ERBB4: variants seen among roughly 807,000 people sequenced by gnomAD.
ERBB4 encodes the protein receptor tyrosine-protein kinase erbB-4.
A neutral mutation model predicts 158.0 loss-of-function variants in ERBB4; 42 were observed. The observed-to-expected ratio is 0.27, with a 90% confidence interval of 0.21 to 0.34. The LOEUF (loss-of-function observed/expected upper bound fraction) is 0.34, where lower values mean the gene tolerates loss of function less well. Among genes scored for constraint, ERBB4 ranks in the 10% least tolerant of loss-of-function variants. The probability of loss-of-function intolerance (pLI) is 1.00; values close to 1 mark genes in which losing one functional copy is unlikely to be tolerated. For missense variants in ERBB4, 1,333 were observed against 1,624.1 expected (o/e 0.82, Z 3.08); for synonymous variants, 583 against 558.7 (o/e 1.04, Z -0.61).
chr2:212,081,306 C>T (rs1431146367), intron 2 of ERBB4, among the ~76,000 whole-genome samples: 3 of 152,058 alleles, frequency 2.0e-5, no homozygotes, highest in African/African-American at 7.2e-5. Flanking sequence ...CTTTGTAATC[C>T]TCTTCTAGAA....
intron 1 of ERBB4, among the ~76,000 whole-genome samples, chr2:212,354,032 G>T (rs1295375207): frequency 6.6e-6 from 1 of 152,120 alleles, no homozygotes; most frequent in African/African-American, 2.4e-5. Context: ...CCTGTGCTGT[G>T]TTAAGCTTCT....
At chr2:211,711,027 T>C (rs1175295149) in intron 9 of ERBB4, among the ~76,000 whole-genome samples, 4 of 139,932 alleles carry the variant, frequency 2.9e-5, no homozygotes, top group Non-Finnish European at 6.3e-5. Flanking sequence ...AAAAGGCAAG[T>C]AAAAAAAAAA....
chr2:211,843,455 T>G (rs1331033954), intron 3 of ERBB4, among the ~76,000 whole-genome samples: 1 of 151,868 alleles, frequency 6.6e-6, no homozygotes, highest in Non-Finnish European at 1.5e-5. Flanking sequence ...ACCAGGATAG[T>G]TTTGCATAAT....
intron 3 of ERBB4, among the ~76,000 whole-genome samples, chr2:211,903,751 C>T (rs990431629): frequency 6.6e-6 from 1 of 151,040 alleles, no homozygotes. Context: ...TATTAAATGC[C>T]GATTTCACTC....
chr2:211,547,344 A>T (rs2066970029), intron 20 of ERBB4, among the ~76,000 whole-genome samples: 1 of 152,052 alleles, frequency 6.6e-6, no homozygotes, highest in South Asian at 2.1e-4. Flanking sequence ...GTCCCACTGT[A>T]GTTTTTCTGT....
intron 1 of ERBB4, among the ~76,000 whole-genome samples, chr2:212,191,929 T>C (rs982812630): frequency 8.4e-6 from 1 of 119,142 alleles, no homozygotes; most frequent in South Asian, 2.7e-4. Context: ...ATATGTTATA[T>C]ATTATATATG....
intron 1 of ERBB4, among the ~76,000 whole-genome samples, chr2:212,329,381 T>G (rs1026609971): frequency 6.6e-6 from 1 of 152,106 alleles, no homozygotes; most frequent in Non-Finnish European, 1.5e-5. Flanking sequence ...TAGCAATTTA[T>G]AGTGCCAGAG....
intron 1 of ERBB4, among the ~76,000 whole-genome samples, chr2:212,320,329 ACTT>A (rs1449540195): frequency 2.1e-5 from 3 of 144,884 alleles, no homozygotes; most frequent in Admixed American, 6.8e-5. Context: ...TTTTTTTTTT[ACTT>A]CTTCTTCTTC....
chr2:211,793,441 G>A (rs916764920), intron 3 of ERBB4, among the ~76,000 whole-genome samples: 11 of 151,806 alleles, frequency 7.2e-5, no homozygotes, highest in Middle Eastern at 3.4e-3. Context: ...CACAATAGGC[G>A]CATTTAAATA....
At chr2:211,736,540 C>T (rs1422050979) in intron 5 of ERBB4, among the ~76,000 whole-genome samples, 4 of 152,190 alleles carry the variant, frequency 2.6e-5, no homozygotes, top group Admixed American at 1.3e-4. Flanking sequence ...AAACCGATCT[C>T]TGTGCTCTTC....
intron 1 of ERBB4, among the ~76,000 whole-genome samples, chr2:212,331,058 G>GTATATATATATATATATATATATACACA: frequency 1.1e-4 from 6 of 56,266 alleles, no homozygotes; most frequent in Non-Finnish European, 2.4e-4. Context: ...TTTGTAATTT[G>GTATATATATATATATATATATATACACA]TATATATATA....
chr2:212,142,435 T>C (rs2177059), intron 1 of ERBB4, among the ~76,000 whole-genome samples: 1 of 151,762 alleles, frequency 6.6e-6, no homozygotes, highest in Non-Finnish European at 1.5e-5. Flanking sequence ...TCATTCATTA[T>C]AACCCAAATG....
intron 1 of ERBB4, among the ~76,000 whole-genome samples, chr2:212,463,591 G>T (rs991878755): frequency 1.3e-5 from 2 of 151,846 alleles, no homozygotes; most frequent in South Asian, 2.1e-4. Context: ...TACCTGAAAA[G>T]GCTTATTTGA....
At chr2:211,795,369 C>T (rs185165204) in intron 3 of ERBB4, among the ~76,000 whole-genome samples, 32 of 151,730 alleles carry the variant, frequency 2.1e-4, no homozygotes, top group African/African-American at 7.5e-4. Flanking sequence ...CGGTATCTGT[C>T]GCATAGTTGC....
chr2:212,003,118 A>AAGGAAGGG, intron 2 of ERBB4, among the ~76,000 whole-genome samples: 1 of 15,626 alleles, frequency 6.4e-5, no homozygotes, highest in Non-Finnish European at 1.8e-4. Flanking sequence ...AGAAAGAAGG[A>AAGGAAGGG]AGGAAGGAAG....
intron 16 of ERBB4, among the ~76,000 whole-genome samples, chr2:211,657,153 A>G (rs2071245758): frequency 6.6e-6 from 1 of 152,112 alleles, no homozygotes; most frequent in Admixed American, 6.5e-5. Flanking sequence ...TTGAATTAAG[A>G]GCAAAAAATA....
chr2:211,740,622 C>CTTTTTTTTTTTTTTTTTTT (rs1169540948), intron 5 of ERBB4, among the ~76,000 whole-genome samples: 4 of 90,176 alleles, frequency 4.4e-5, no homozygotes, highest in East Asian at 3.3e-4. Flanking sequence ...TTTTCTTTGT[C>CTTTTTTTTTTTTTTTTTTT]TTTTTTTTTT....
At chr2:211,388,599 C>A (rs1322271516) in intron 25 of ERBB4, among the ~76,000 whole-genome samples, 2 of 151,014 alleles carry the variant, frequency 1.3e-5, no homozygotes, top group East Asian at 3.9e-4. Flanking sequence ...TAAGAAAGAG[C>A]AGAAAATTTG....
chr2:212,094,926 T>C (rs1472278020), intron 2 of ERBB4, among the ~76,000 whole-genome samples: 1 of 152,244 alleles, frequency 6.6e-6, no homozygotes, highest in Non-Finnish European at 1.5e-5. Context: ...ATATATGGAT[T>C]ACTTTCATTA....
Sources: gnomAD v4.1 joint callset for allele counts (sites outside exome capture counted in the v4.1 genomes callset) on GRCh38, gnomAD v4.1.1 for gene constraint, MANE v1.5 for transcripts, NCBI Gene and HGNC (gene_info 2026-07-23, HGNC 2026-07-21) for gene names.